The following TENM4 variants were observed in gnomAD, a reference collection of about 807,000 sequenced individuals.
TENM4 encodes teneurin-4.
Under a neutral mutation model 243.3 loss-of-function variants are expected in TENM4, and 82 were observed. That is an observed-to-expected ratio of 0.34 (90% confidence interval 0.28 to 0.40). TENM4 has a LOEUF of 0.40. Ranked by LOEUF, TENM4 falls within the 10% of genes least tolerant of loss-of-function variation. The pLI is 1.00. For missense variants in TENM4, 3,138 were observed against 3,673.3 expected, an observed-to-expected ratio of 0.85 and a Z score of 3.77; for synonymous variants, 1,412 against 1,456.3, an observed-to-expected ratio of 0.97 and a Z score of 0.69.
chr11:78,907,754 G>T (rs1283786036), intron 6 of TENM4, among the ~76,000 whole-genome samples: 1 of 152,208 alleles, frequency 6.6e-6, no homozygotes, highest in African/African-American at 2.4e-5. Flanking sequence ...TCAGGTAGTT[G>T]GGCTTTTTGC....
In TENM4 at chr11:78,738,539, T is replaced by A. The variant is rs756893898; in HGVS notation, c.2788A>T (p.Thr930Ser). 1 of 1,613,790 alleles carries A rather than the reference T, an allele frequency of 6.2e-7. No individual in the cohort carries two copies. The highest frequency in any genetic ancestry group is 1.1e-5 in the South Asian group (1 of 91,018). ...CCAACCAGGGGGGTTCCATCTGATGTCATCACTTGGCCACGAATAACACAA... is the reference window on the plus strand; with the variant it reads ...CCAACCAGGGGGGTTCCATCTGATGACATCACTTGGCCACGAATAACACAA... ...HACVIRGQVMTSDGTPLVGVN... is the reference protein window; with the variant it reads ...HACVIRGQVMSSDGTPLVGVN... The change falls in exon 20 of 34, where the codon ACA becomes TCA. Residue 930 changes from threonine to serine, a missense_variant. Coordinates refer to ENST00000278550, the MANE Select transcript of TENM4 (RefSeq NM_001098816.3).
intron 6 of TENM4, among the ~76,000 whole-genome samples, chr11:79,040,971 G>T (rs1425554482): frequency 6.6e-6 from 1 of 152,086 alleles, no homozygotes; most frequent in African/African-American, 2.4e-5. Flanking sequence ...ACAGACCAAG[G>T]GTTAAGAAAT....
intron 3 of TENM4, among the ~76,000 whole-genome samples, chr11:79,175,224 T>A (rs751578051): frequency 1.5e-4 from 23 of 151,970 alleles, no homozygotes; most frequent in Non-Finnish European, 2.6e-4. Flanking sequence ...TGCCTATAGC[T>A]GAGAAATTAT....
intron 27 of TENM4, 68 bp downstream of exon 27, chr11:78,708,293 G>A (rs953455069): frequency 1.9e-6 from 3 of 1,595,374 alleles, no homozygotes; most frequent in Non-Finnish European, 2.6e-6. Context: ...TGGCCAGCAG[G>A]CTGGCTGGGT....
In TENM4 at chr11:78,652,851, A is replaced by G. The variant is rs1857804894; in HGVS notation, c.*5207T>C. The G allele has an allele frequency of 6.6e-6, 1 of 152,218 alleles. No homozygotes were observed. Among genetic ancestry groups the G allele is most frequent in the Non-Finnish European group, 1.5e-5 (1 of 68,030 alleles). 9.4% of individuals were successfully genotyped at this position (152,218 alleles called of 1,614,324 possible). A position where few individuals can be genotyped will look rare whatever the true frequency, so the allele number is the denominator to read the frequency against. ...TTGTATGATGAATATACAGTCATTT[A>G]TTTTTAAAGTGCAACGGCTCACATC... On this transcript the variant is annotated 3_prime_UTR_variant, in exon 34 of 34. Coordinates refer to ENST00000278550, the MANE Select transcript of TENM4 (RefSeq NM_001098816.3).
intron 3 of TENM4, among the ~76,000 whole-genome samples, chr11:79,152,203 G>T (rs1407607794): frequency 1.3e-5 from 2 of 152,174 alleles, no homozygotes; most frequent in Admixed American, 1.3e-4. Flanking sequence ...ATATGTTGGT[G>T]TGGTGGCTTT....
At chr11:78,939,413 G>A (rs1266359384) in intron 6 of TENM4, among the ~76,000 whole-genome samples, 1 of 152,228 alleles carries the variant, frequency 6.6e-6, no homozygotes, top group Non-Finnish European at 1.5e-5. Flanking sequence ...CACTGGGGAG[G>A]AAGGAACATG....
chr11:78,774,227 A>ATTC lies in TENM4; in HGVS notation c.2393-3090_2393-3089insGAA, dbSNP rs145049832. Among the ~76,000 whole-genome samples the ATTC allele has an allele frequency of 9.5e-3, 1,448 of 152,338 alleles. 27 individuals carry two copies. The highest frequency in any genetic ancestry group is 0.033 in the African/African-American group (1,382 of 41,576). ...ATAAATGAGAGCTGTTATTATTATTATTGGATTTACTTGTTTTAAGTTTGT... is the reference window on the plus strand; with the variant it reads ...ATAAATGAGAGCTGTTATTATTATTATTCTTGGATTTACTTGTTTTAAGTTTGT... On this transcript the variant is annotated intron_variant, in intron 17 of 33. Transcript: ENST00000278550.
At chr11:78,992,831 A>G (rs1036877431) in intron 6 of TENM4, among the ~76,000 whole-genome samples, 4 of 152,186 alleles carry the variant, frequency 2.6e-5, no homozygotes, top group African/African-American at 9.7e-5. Flanking sequence ...TTTTCTCATT[A>G]TAAGACTTTA....
At chr11:79,346,855 T>G (rs12272137) in intron 1 of TENM4, among the ~76,000 whole-genome samples, 3,537 of 152,290 alleles carry the variant, frequency 0.023, 155 homozygotes, top group African/African-American at 0.081. Flanking sequence ...GAAAGTGATT[T>G]GCAACCATAC....
chr11:79,031,758 C>T (rs1329185018), intron 6 of TENM4, among the ~76,000 whole-genome samples: 1 of 152,202 alleles, frequency 6.6e-6, no homozygotes, highest in Non-Finnish European at 1.5e-5. Flanking sequence ...TGCCTCTGGG[C>T]AAACGTGAGT....
At position 78,669,449 on chromosome 11, in the gene TENM4, C is replaced by T. The variant is rs1858251550; in HGVS notation, c.6896G>A (p.Arg2299His). 5.6e-6 allele frequency: 9 copies of T among 1,612,516 alleles called. No individual in the cohort carries two copies. The highest frequency in any genetic ancestry group is 2.7e-5 in the African/African-American group (2 of 74,902). ...VRYRYDGLGR[R>H]VSSKSSHSHH... ...GCTGTGGCTGCTCTTGCTGGACACGCGCCGCCCCAGGCCATCGTAGCGGTA... is the reference window on the plus strand; with the variant it reads ...GCTGTGGCTGCTCTTGCTGGACACGTGCCGCCCCAGGCCATCGTAGCGGTA... Residue 2299 changes from arginine to histidine, a missense_variant, in exon 32 of 34, where the codon CGC (arginine) becomes CAC (histidine). This residue lies in a region of TENM4 where 2,467 missense variants were observed against 3,059.1 expected (regional missense o/e 0.81). Transcript: ENST00000278550. The surrounding 1 kb of genome is among the most constrained non-coding windows in gnomAD (Gnocchi z 6.4).
At chr11:78,878,788 G>A (rs1197482466) in intron 9 of TENM4, among the ~76,000 whole-genome samples, 1 of 152,120 alleles carries the variant, frequency 6.6e-6, no homozygotes, top group East Asian at 1.9e-4. Context: ...CCTGCTCTGG[G>A]GAATACACCC....
At position 78,950,903 on chromosome 11, in the gene TENM4, G is replaced by C. The variant is rs112779246; in HGVS notation, c.494-47380C>G. Among the ~76,000 whole-genome samples, 207 of 152,366 alleles carry C rather than the reference G, an allele frequency of 1.4e-3. 1 individual carries two copies. The highest frequency in any genetic ancestry group is 4.7e-3 in the African/African-American group (194 of 41,592). On this transcript the variant is annotated intron_variant, in intron 6 of 33. Coordinates refer to ENST00000278550, the MANE Select transcript of TENM4 (RefSeq NM_001098816.3). ...GCCTCCCAGCTGAGCAGACTCAATG[G>C]AATGAGAAAGGCGAAGCCCCTGGCA...
chr11:79,143,678 A>C (rs987701843), intron 4 of TENM4, among the ~76,000 whole-genome samples: 7 of 151,746 alleles, frequency 4.6e-5, no homozygotes, highest in Non-Finnish European at 2.9e-5. Flanking sequence ...AAGTATAATA[A>C]AAATAAATAA....
chr11:79,293,788 G>A (rs988182514), intron 2 of TENM4, among the ~76,000 whole-genome samples: 6 of 152,172 alleles, frequency 3.9e-5, no homozygotes, highest in South Asian at 2.1e-4. Flanking sequence ...TTTGGACCCC[G>A]TTCTGAGCCA....
chr11:78,903,735 T>G, intron 6 of TENM4: 2 of 804,296 alleles, frequency 2.5e-6, no homozygotes, highest in Non-Finnish European at 4.2e-6. Context: ...CAGACAAAAA[T>G]TCCCGTCCCC....
At chr11:79,112,816 G>A (rs1299760557) in intron 4 of TENM4, among the ~76,000 whole-genome samples, 1 of 152,078 alleles carries the variant, frequency 6.6e-6, no homozygotes, top group Non-Finnish European at 1.5e-5. Flanking sequence ...TCAAGGCAGA[G>A]CCCCACCTCC....
rs749341010 is a variant in TENM4 at position 78,669,957 on chromosome 11, T to C, written c.6388A>G (p.Ile2130Val). Residue 2130 changes from isoleucine to valine, a missense_variant, in exon 32 of 34, where the codon ATT becomes GTT. Ile to Val is a conservative substitution (Grantham distance 29). Transcript: ENST00000278550. The surrounding 1 kb of genome is among the most constrained non-coding windows in gnomAD (Gnocchi z 6.4). ...FGKFGVIYYD[I>V]NQIITTAVMT... is the part of the protein sequence containing the mutation. ...ACAGCTGTGGTGATGATCTGGTTAA[T>C]GTCATAGTAAATGACACCAAACTTC... 8 of 1,613,766 alleles carry C rather than the reference T, an allele frequency of 5.0e-6. No individual in the cohort carries two copies. Among genetic ancestry groups the C allele is most frequent in the Non-Finnish European group, 5.1e-6 (6 of 1,179,866 alleles).
Sources: gnomAD v4.1 joint callset for allele counts (sites outside exome capture counted in the v4.1 genomes callset) on GRCh38, gnomAD v4.1.1 for gene constraint, gnomAD v4.1.1 regional missense constraint, Gnocchi (gnomAD v3.1) non-coding constraint, MANE v1.5 for transcripts, NCBI Gene and HGNC (gene_info 2026-07-23, HGNC 2026-07-21) for gene names.